Variants in SLC8A3 observed in about 807,000 individuals in gnomAD.
SLC8A3 encodes solute carrier family 8 member A3.
A neutral mutation model predicts 65.4 loss-of-function variants in SLC8A3; 37 were observed. That is an observed-to-expected ratio of 0.57 (90% CI 0.44 to 0.74). SLC8A3 has a LOEUF of 0.74. Ranked by LOEUF, SLC8A3 falls within the 30% of genes least tolerant of loss-of-function variation. The pLI is 0.00. For synonymous variants in SLC8A3, 461 were observed against 444.5 expected, an observed-to-expected ratio of 1.04 and a Z score of -0.47; for missense variants, 1,112 against 1,172.1, an observed-to-expected ratio of 0.95 and a Z score of 0.75.
At chr14:70,105,362 T>C (rs1459964065) in intron 2 of SLC8A3, among the ~76,000 whole-genome samples, 1 of 151,778 alleles carries the variant, frequency 6.6e-6, no homozygotes, top group Non-Finnish European at 1.5e-5. Context: ...TAAAACAAAA[T>C]AAAATTGGTA....
At chr14:70,063,904 C>G (rs747352341) in intron 2 of SLC8A3, 1 of 1,608,074 alleles carries the variant, frequency 6.2e-7, no homozygotes, top group Non-Finnish European at 8.5e-7. Context: ...GCCTCATCAT[C>G]AATTACCTTG....
chr14:70,148,061 T>C (rs1466194156), intron 2 of SLC8A3, among the ~76,000 whole-genome samples: 3 of 152,220 alleles, frequency 2.0e-5, no homozygotes, highest in Admixed American at 6.5e-5. Context: ...AACTATACTT[T>C]GAGTATCCAG....
At chr14:70,094,768 AG>A (rs1368305962) in intron 2 of SLC8A3, among the ~76,000 whole-genome samples, 2 of 152,220 alleles carry the variant, frequency 1.3e-5, no homozygotes, top group African/African-American at 2.4e-5. Flanking sequence ...CTCAAGGCTG[AG>A]GATGTGTGTC....
At chr14:70,163,074 C>T (rs953096308) in intron 2 of SLC8A3, among the ~76,000 whole-genome samples, 10 of 152,216 alleles carry the variant, frequency 6.6e-5, no homozygotes, top group Non-Finnish European at 1.5e-4. Flanking sequence ...TTGTCTTATT[C>T]ACTTATTTAA....
chr14:70,168,172 A>T lies in SLC8A3; in HGVS notation c.251T>A (p.Leu84Gln). The change falls in exon 2 of 7, where the codon CTG becomes CAG. Residue 84 changes from leucine (L) to glutamine (Q), a missense_variant. Coordinates refer to ENST00000356921, the MANE Select transcript of SLC8A3 (RefSeq NM_182932.3). ...IARVIVYFVA[L>Q]IYMFLGVSII... is the part of the protein sequence containing the mutation. ...GGACACCCCAAGGAACATGTATATCAGGGCCACAAAATAGACAATGACCCT... is the reference window on the plus strand; with the variant it reads ...GGACACCCCAAGGAACATGTATATCTGGGCCACAAAATAGACAATGACCCT... 2.5e-6 allele frequency: 4 copies of T among 1,614,198 alleles called. No individual in the cohort carries two copies. Among genetic ancestry groups the T allele is most frequent in the Non-Finnish European group, 3.4e-6 (4 of 1,180,024 alleles).
intron 2 of SLC8A3, among the ~76,000 whole-genome samples, chr14:70,125,626 T>C (rs1894392068): frequency 6.6e-6 from 1 of 152,228 alleles, no homozygotes; most frequent in Admixed American, 6.5e-5. Flanking sequence ...GTGGATAGTG[T>C]TGCAATAAAT....
At chr14:70,144,552 C>T (rs1895798153) in intron 2 of SLC8A3, among the ~76,000 whole-genome samples, 1 of 151,352 alleles carries the variant, frequency 6.6e-6, no homozygotes, top group African/African-American at 2.4e-5. Context: ...ATCGCTTGAA[C>T]CTGGAGGCAG....
chr14:70,049,157 G>C lies in SLC8A3; in HGVS notation c.2114-115C>G, dbSNP rs533112211. Reference sequence around the variant, plus strand: ...CATCCGCTAGAAGGGGACTCCAGCTGTCTTCTGGGCAGCTGGTGGGGGCCA... The same window carrying C: ...CATCCGCTAGAAGGGGACTCCAGCTCTCTTCTGGGCAGCTGGTGGGGGCCA... On this transcript the variant is annotated intron_variant, in intron 5 of 6. Coordinates refer to ENST00000356921, the MANE Select transcript of SLC8A3 (RefSeq NM_182932.3). 8.4e-6 allele frequency: 9 copies of C among 1,067,432 alleles called. No homozygotes were observed. In the East Asian group the frequency reaches 1.9e-4, roughly 23 times the overall value. The allele number at this position is 1,067,432 out of a possible 1,614,324, so 66.1% of individuals were successfully genotyped here.
At chr14:70,082,465 T>G (rs976623949) in intron 2 of SLC8A3, among the ~76,000 whole-genome samples, 2 of 152,082 alleles carry the variant, frequency 1.3e-5, no homozygotes, top group Admixed American at 1.3e-4. Flanking sequence ...AAATCAACAA[T>G]AACAACAACA....
intron 2 of SLC8A3, among the ~76,000 whole-genome samples, chr14:70,074,571 G>A (rs1053952782): frequency 3.3e-5 from 5 of 152,196 alleles, no homozygotes; most frequent in Non-Finnish European, 7.3e-5. Flanking sequence ...AGGTGGGGAA[G>A]GGAGACAGAA....
rs1399660554 is a variant in SLC8A3, at chr14:70,044,930, C to A, written c.*1017G>T. ...CTGGTTGGACATCTCTTCTCTCCTG[C>A]CTCAGGTACAAAGCCAAAGATAATC... On this transcript the variant is annotated 3_prime_UTR_variant, in exon 7 of 7. Transcript: ENST00000356921. 2 of 152,204 alleles carry A rather than the reference C, an allele frequency of 1.3e-5. No homozygotes were observed. The highest frequency in any genetic ancestry group is 4.1e-4 in the South Asian group (2 of 4,828). The allele number at this position is 152,204 out of a possible 1,614,324, so 9.4% of individuals were successfully genotyped here.
At chr14:70,151,612 T>C (rs1024198321) in intron 2 of SLC8A3, among the ~76,000 whole-genome samples, 1 of 152,232 alleles carries the variant, frequency 6.6e-6, no homozygotes, top group African/African-American at 2.4e-5. Flanking sequence ...GTAGGCATTG[T>C]GCAGGTTGTA....
At chr14:70,176,641 A>G (rs1396543577) in intron 1 of SLC8A3, among the ~76,000 whole-genome samples, 1 of 152,200 alleles carries the variant, frequency 6.6e-6, no homozygotes, top group East Asian at 1.9e-4. Flanking sequence ...ACCACAAGAC[A>G]TTTCTATGCG....
chr14:70,168,069 A>G lies in SLC8A3; in HGVS notation c.354T>C (p.Asn118=). 6.2e-7 allele frequency: 1 copy of G among 1,614,106 alleles called. No homozygotes were observed. Among genetic ancestry groups the G allele is most frequent in the Non-Finnish European group, 8.5e-7 (1 of 1,180,002 alleles). Residue 118 remains asparagine, a synonymous_variant, in exon 2 of 7, where the codon AAT becomes AAC. Transcript: ENST00000356921. ...GAATAGTGGTTGTGCTGGTTTCTCC[A>G]TTGGGTTTCTTAATTGTCACCTCCC... ...QEREVTIKKP[N]GETSTTTIRV...
At chr14:70,072,735 C>A (rs1343777502) in intron 2 of SLC8A3, among the ~76,000 whole-genome samples, 9 of 152,170 alleles carry the variant, frequency 5.9e-5, no homozygotes, top group Non-Finnish European at 1.3e-4. Context: ...GCAACCTTTG[C>A]CTCCCAGGCT....
chr14:70,054,546 G>A (rs1298023951), intron 3 of SLC8A3, among the ~76,000 whole-genome samples: 1 of 152,132 alleles, frequency 6.6e-6, no homozygotes, highest in Non-Finnish European at 1.5e-5. Flanking sequence ...TTGGAACAAA[G>A]AAGCCTTACA....
chr14:70,087,186 C>T (rs985962761), intron 2 of SLC8A3, among the ~76,000 whole-genome samples: 2 of 152,202 alleles, frequency 1.3e-5, no homozygotes, highest in African/African-American at 4.8e-5. Flanking sequence ...TCCAGATGTC[C>T]TTGTCAAAGT....
chr14:70,063,795 T>A (rs777243404), intron 2 of SLC8A3: 1 of 1,154,908 alleles, frequency 8.7e-7, no homozygotes, highest in Non-Finnish European at 1.3e-6. Context: ...AGAATGTTAG[T>A]GTTAGTGTGG....
At chr14:70,072,441 T>G (rs1408287951) in intron 2 of SLC8A3, among the ~76,000 whole-genome samples, 1 of 152,174 alleles carries the variant, frequency 6.6e-6, no homozygotes, top group Non-Finnish European at 1.5e-5. Context: ...GCCTTTTTTT[T>G]TAAGGTTTTC....
Sources: gnomAD v4.1 joint callset for allele counts (sites outside exome capture counted in the v4.1 genomes callset) on GRCh38, gnomAD v4.1.1 for gene constraint, MANE v1.5 for transcripts, NCBI Gene and HGNC (gene_info 2026-07-23, HGNC 2026-07-21) for gene names.